AP2A1: variants seen among roughly 807,000 people sequenced by gnomAD.
AP2A1 encodes the protein adaptor related protein complex 2 subunit alpha 1.
In AP2A1, 21 loss-of-function variants were observed where a neutral mutation model predicts 107.3. The observed-to-expected ratio is 0.20, with a 90% CI of 0.14 to 0.28. AP2A1 has a LOEUF of 0.28. Ranked by LOEUF, AP2A1 falls within the 10% of genes least tolerant of loss-of-function variation. The pLI is 1.00. For synonymous variants in AP2A1, 602 were observed against 564.8 expected, an observed-to-expected ratio of 1.07 and a Z score of -0.93; for missense variants, 873 against 1,307.7, an observed-to-expected ratio of 0.67 and a Z score of 5.13.
chr19:49,805,293 T>C, intron 18 of AP2A1, 160 bp from the exon 19 acceptor site: 1 of 867,046 alleles, frequency 1.2e-6, no homozygotes, highest in Non-Finnish European at 1.7e-6. Flanking sequence ...TTCCATAGTA[T>C]GAACTTTGTA....
chr19:49,787,338 G>GTTT lies in AP2A1; in HGVS notation c.474-4591_474-4589dup, dbSNP rs1418425703. ...ACTCCCATCTAGGCTTTTTTTGTTT[G>GTTT]TTTTTTTTGTTTTTTGTTTTTTTTT... On this transcript the variant is annotated intron_variant, in intron 4 of 22. Coordinates refer to ENST00000354293, the MANE Select transcript of AP2A1 (RefSeq NM_130787.3). Among the ~76,000 whole-genome samples, 408 of 89,654 alleles carry GTTT rather than the reference G, an allele frequency of 4.6e-3. 31 individuals carry two copies. The highest frequency in any genetic ancestry group is 0.012 in the Middle Eastern group (2 of 162). The allele number at this position is 89,654 out of a possible 152,430, so 58.8% of individuals were successfully genotyped here. A position where few individuals can be genotyped will look rare whatever the true frequency, so the allele number is the denominator to read the frequency against.
At chr19:49,767,977 C>G (rs960263283) in intron 1 of AP2A1, among the ~76,000 whole-genome samples, 2 of 150,848 alleles carry the variant, frequency 1.3e-5, no homozygotes, top group East Asian at 3.9e-4. Context: ...TGACAGGGAA[C>G]GGGGGGCCAG....
intron 6 of AP2A1, 48 bp from the exon 7 acceptor site, chr19:49,795,582 G>GCCCCCCCCCCC: frequency 4.3e-6 from 3 of 692,052 alleles, no homozygotes; most frequent in South Asian, 3.0e-5. Flanking sequence ...GGACCCACGT[G>GCCCCCCCCCCC]CCCCTCCCAC....
intron 8 of AP2A1, 32 bp from the exon 9 acceptor site, chr19:49,799,295 C>T (rs745713742): frequency 5.0e-6 from 8 of 1,601,960 alleles, no homozygotes; most frequent in Non-Finnish European, 6.8e-6. Context: ...CAGTTTCTCT[C>T]ACCATCCCTC....
chr19:49,782,870 G>A (rs1236948163), intron 4 of AP2A1, 146 bp downstream of exon 4: 10 of 966,230 alleles, frequency 1.0e-5, no homozygotes, highest in South Asian at 8.6e-5. Flanking sequence ...CAGTGGTTCC[G>A]GTGGCAGCCC....
intron 6 of AP2A1, among the ~76,000 whole-genome samples, chr19:49,794,012 A>T (rs570834667): frequency 0.013 from 1,846 of 137,074 alleles, 16 homozygotes; most frequent in Middle Eastern, 0.023. Context: ...GCCATTCTCC[A>T]GCCTTAGCCT....
At chr19:49,803,823 G>C in intron 18 of AP2A1, 1 of 187,580 alleles carries the variant, frequency 5.3e-6, no homozygotes, top group South Asian at 1.0e-4. Flanking sequence ...TCCTCATAGG[G>C]TTATTGTGAA....
intron 11 of AP2A1, among the ~76,000 whole-genome samples, chr19:49,800,514 G>C (rs2073265282): frequency 6.6e-6 from 1 of 152,180 alleles, no homozygotes; most frequent in Non-Finnish European, 1.5e-5. Context: ...CTGGAGTGGG[G>C]AGTGAGTGCC....
intron 11 of AP2A1, 32 bp from the exon 12 acceptor site, chr19:49,800,929 G>T: frequency 2.6e-6 from 4 of 1,551,852 alleles, no homozygotes; most frequent in Admixed American, 2.0e-5. Context: ...GCTCATTGTT[G>T]TCCTCTCCAC....
chr19:49,795,907 G>A (rs2073208099), intron 7 of AP2A1, among the ~76,000 whole-genome samples, 169 bp downstream of exon 7: 1 of 152,144 alleles, frequency 6.6e-6, no homozygotes, highest in Non-Finnish European at 1.5e-5. Flanking sequence ...AGGCAAGCAG[G>A]CAGCCCGAGG....
intron 18 of AP2A1, chr19:49,805,248 G>A: frequency 1.8e-6 from 1 of 545,118 alleles, no homozygotes; most frequent in Non-Finnish European, 3.2e-6. Flanking sequence ...CATTGTGGAA[G>A]GCCAAAGGAG....
chr19:49,768,039 C>T (rs1253901138), intron 1 of AP2A1, among the ~76,000 whole-genome samples: 1 of 151,838 alleles, frequency 6.6e-6, no homozygotes, highest in Non-Finnish European at 1.5e-5. Flanking sequence ...GAAGAAGGAG[C>T]GCCCAGACCT....
intron 4 of AP2A1, among the ~76,000 whole-genome samples, chr19:49,786,670 T>G (rs140105811): frequency 1.3e-5 from 2 of 152,172 alleles, no homozygotes; most frequent in Non-Finnish European, 2.9e-5. Context: ...GCTAAGAACT[T>G]TGATGGAGGA....
At chr19:49,772,924 G>T (rs59722125) in intron 1 of AP2A1, among the ~76,000 whole-genome samples, 17,671 of 151,734 alleles carry the variant, frequency 0.12, 1,176 homozygotes, top group East Asian at 0.2. Flanking sequence ...GGCTAGGTCC[G>T]TGTTTGTCCT....
At chr19:49,795,815 C>A in intron 7 of AP2A1, 77 bp downstream of exon 7, 1 of 1,117,188 alleles carries the variant, frequency 9.0e-7, no homozygotes, top group Non-Finnish European at 1.3e-6. Flanking sequence ...CACGGCGCAC[C>A]AGGTGGGACT....
chr19:49,792,085 C>A, intron 5 of AP2A1, 21 bp downstream of exon 5: 1 of 1,606,050 alleles, frequency 6.2e-7, no homozygotes. Context: ...AGCCCTCACA[C>A]CCCCGGATAC....
intron 1 of AP2A1, among the ~76,000 whole-genome samples, chr19:49,768,734 C>CT (rs1455015841): frequency 2.0e-5 from 3 of 152,128 alleles, no homozygotes; most frequent in Admixed American, 1.3e-4. Flanking sequence ...CTGGGAGCCA[C>CT]TGTTAGCAGA....
At chr19:49,779,033 CAAA>C (rs35911768) in intron 1 of AP2A1, among the ~76,000 whole-genome samples, 2 of 120,938 alleles carry the variant, frequency 1.7e-5, no homozygotes, top group Admixed American at 8.5e-5. Flanking sequence ...TCATTGCTAC[CAAA>C]AAAAAAAAAA....
Position 49,767,041 on chromosome 19 carries a change from C to A in AP2A1, c.-93C>A. The A allele has an allele frequency of 1.5e-6, 2 of 1,364,196 alleles. No individual in the cohort carries two copies. Among genetic ancestry groups the A allele is most frequent in the Non-Finnish European group, 9.7e-7 (1 of 1,031,598 alleles). The allele number at this position is 1,364,196 out of a possible 1,614,324, so 84.5% of individuals were successfully genotyped here. A position where few individuals can be genotyped will look rare whatever the true frequency, so the allele number is the denominator to read the frequency against. On this transcript the variant is annotated 5_prime_UTR_variant, in exon 1 of 23. It adds an upstream start codon to the 5' untranslated region. Coordinates refer to ENST00000354293, the MANE Select transcript of AP2A1 (RefSeq NM_130787.3). ...CCGCGGCCGGCTCGGCTCCTTGGCG[C>A]TGCCTGGGGTCCTTTCCGCCCGGTC...
Sources: allele counts gnomAD v4.1 joint callset (sites outside exome capture counted in the v4.1 genomes callset), GRCh38; gene constraint gnomAD v4.1.1; transcripts MANE v1.5; gene names NCBI Gene and HGNC (gene_info 2026-07-23, HGNC 2026-07-21).